Variants in MTAP observed in about 807,000 individuals in gnomAD.
MTAP encodes S-methyl-5'-thioadenosine phosphorylase.
A neutral mutation model predicts 33.6 loss-of-function variants in MTAP; 33 were observed. That is an observed-to-expected ratio of 0.98 (90% CI 0.74 to 1.31). MTAP has a LOEUF of 1.31. Among genes scored for constraint, MTAP ranks in the 40% most tolerant of loss-of-function variants. The pLI is 0.00. For synonymous variants in MTAP, 148 were observed against 125.7 expected (o/e 1.18, Z -1.19); for missense variants, 367 against 360.0 (o/e 1.02, Z -0.16).
rs762098975 is a variant in MTAP at position 21,854,716 on chromosome 9, C to A, written c.536C>A (p.Ser179Tyr). 5.0e-6 allele frequency: 8 copies of A among 1,614,098 alleles called. No homozygotes were observed. Among genetic ancestry groups the A allele is most frequent in the Non-Finnish European group, 6.8e-6 (8 of 1,179,962 alleles). Residue 179 changes from serine (S) to tyrosine (Y), a missense_variant, in exon 6 of 8, where the codon TCC becomes TAC. Ser to Tyr is a moderately radical substitution (Grantham distance 144). Coordinates refer to ENST00000644715, the MANE Select transcript of MTAP (RefSeq NM_002451.4). ...ACAATCGAGGGACCTCGTTTTAGCT[C>A]CCGGGCAGAAAGCTTCATGTTCCGC... is the stretch of plus-strand genomic sequence containing the variant. ...MVTIEGPRFSSRAESFMFRTW... is the reference protein window; with the variant it reads ...MVTIEGPRFSYRAESFMFRTW...
chr9:21,818,289 T>G, intron 4 of MTAP, 87 bp downstream of exon 4: 1 of 781,154 alleles, frequency 1.3e-6, no homozygotes, highest in South Asian at 1.5e-5. Flanking sequence ...GCAGGGCAAC[T>G]GGGAGGGCAG....
intron 5 of MTAP, among the ~76,000 whole-genome samples, chr9:21,851,200 C>A (rs565222002): frequency 1.3e-5 from 2 of 152,136 alleles, no homozygotes; most frequent in South Asian, 4.1e-4. Flanking sequence ...AAGGAAAAAA[C>A]CACAACCTAC....
rs1825858819 is a variant in MTAP, at chr9:21,866,705, G to A, written c.*4691G>A. The A allele has an allele frequency of 6.6e-6, 1 of 151,984 alleles. No individual in the cohort carries two copies. Among genetic ancestry groups the A allele is most frequent in the Non-Finnish European group, 1.5e-5 (1 of 67,998 alleles). 9.4% of individuals were successfully genotyped at this position (151,984 alleles called of 1,614,324 possible). A position where few individuals can be genotyped will look rare whatever the true frequency, so the allele number is the denominator to read the frequency against. Reference sequence around the variant, plus strand: ...TGCAATCTTTTCCAAGATTGTTTTGGCTATAGGTCCTTTCTTTATAAAGTT... The same window carrying A: ...TGCAATCTTTTCCAAGATTGTTTTGACTATAGGTCCTTTCTTTATAAAGTT... On this transcript the variant is annotated 3_prime_UTR_variant, in exon 8 of 8. Coordinates refer to ENST00000644715, the MANE Select transcript of MTAP (RefSeq NM_002451.4).
chr9:21,899,220 C>T (rs1818347107), intron 1 of MTAP, among the ~76,000 whole-genome samples: 1 of 119,984 alleles, frequency 8.3e-6, no homozygotes, highest in Non-Finnish European at 1.6e-5. Flanking sequence ...ACATCACACA[C>T]CGGGGCCTGT....
intron 5 of MTAP, among the ~76,000 whole-genome samples, chr9:21,849,925 A>G (rs1004781916): frequency 2.6e-5 from 4 of 152,216 alleles, no homozygotes; most frequent in Admixed American, 6.5e-5. Flanking sequence ...CTTTTTCTCT[A>G]TATCTGTCCA....
chr9:21,935,583 T>G (rs1819029557), downstream of MTAP: 1 of 152,164 alleles, frequency 6.6e-6, no homozygotes, highest in African/African-American at 2.4e-5. Context: ...AATCTCATAC[T>G]CATGTCTCTC....
At chr9:21,851,724 A>G (rs1825516110) in intron 5 of MTAP, among the ~76,000 whole-genome samples, 1 of 152,186 alleles carries the variant, frequency 6.6e-6, no homozygotes, top group African/African-American at 2.4e-5. Flanking sequence ...CATTTGAGTC[A>G]GTGGGCTGGG....
chr9:21,856,074 CCT>C (rs777179500), intron 6 of MTAP: 3 of 755,740 alleles, frequency 4.0e-6, no homozygotes, highest in Non-Finnish European at 4.8e-6. Flanking sequence ...CTAATTTTCA[CCT>C]CTTTCTCTTT....
chr9:21,857,303 G>A lies in MTAP; in HGVS notation c.691-2000G>A, dbSNP rs73649994. ...CTTCATGTCTGCATTCAAAGACTCA[G>A]CTTAAAACATATCATTTACATGTGC... On this transcript the variant is annotated intron_variant, in intron 6 of 7. Coordinates refer to ENST00000644715, the MANE Select transcript of MTAP (RefSeq NM_002451.4). Among the ~76,000 whole-genome samples, 925 of 152,290 alleles carry A rather than the reference G, an allele frequency of 6.1e-3. 9 individuals carry two copies. The highest frequency in any genetic ancestry group is 0.021 in the African/African-American group (872 of 41,548).
At chr9:21,903,334 T>A (rs189415512) in intron 1 of MTAP, among the ~76,000 whole-genome samples, 1 of 152,298 alleles carries the variant, frequency 6.6e-6, no homozygotes, top group African/African-American at 2.4e-5. Flanking sequence ...TTAAAAATCT[T>A]CAGGCCCAAC....
intron 4 of MTAP, among the ~76,000 whole-genome samples, chr9:21,819,608 C>T (rs1202209142): frequency 2.0e-5 from 3 of 152,192 alleles, no homozygotes; most frequent in Non-Finnish European, 4.4e-5. Context: ...CATACGTGTG[C>T]ATGTGCCTTT....
At chr9:21,931,028 C>A in exon 2 of MTAP, 1 of 763,906 alleles carries the variant, frequency 1.3e-6, no homozygotes, top group Non-Finnish European at 2.4e-6. Context: ...TCCAGATGAT[C>A]CTCAGTGAGG....
At chr9:21,833,502 G>T (rs545986188) in intron 4 of MTAP, among the ~76,000 whole-genome samples, 1 of 152,240 alleles carries the variant, frequency 6.6e-6, no homozygotes, top group African/African-American at 2.4e-5. Flanking sequence ...AGACAGAATT[G>T]TTCCACTTCT....
In MTAP at chr9:21,915,899, A is replaced by G. The variant is rs533122740; in HGVS notation, c.148-15109A>G. On this transcript the variant is annotated intron_variant, in intron 1 of 1. Transcript: ENST00000577563. ...AAAATACAAAAATTAGCCAAGTATG[A>G]TGATATGTGCCTGTAGTCCCAGCTA... 8.5e-4 allele frequency among the ~76,000 whole-genome samples: 129 copies of G among 152,082 alleles called. 1 individual carries two copies. The highest frequency in any genetic ancestry group is 3.4e-3 in the Middle Eastern group (1 of 292).
rs1304642863 is a variant in MTAP, at chr9:21,936,826, A to G, written c.*5627A>G. On this transcript the variant is annotated 3_prime_UTR_variant, in exon 8 of 8. Coordinates refer to the MTAP transcript ENST00000580900. ...TAATAAGGGAGATAACTATATGCAA[A>G]GAAAGTAAGACATGTTTTTGGTAAG... is the stretch of plus-strand genomic sequence containing the variant. 4 of 152,356 alleles carry G rather than the reference A, an allele frequency of 2.6e-5. No homozygotes were observed. The East Asian group carries it at 7.7e-4, about 29-fold the overall frequency. The allele number at this position is 152,356 out of a possible 1,614,324, so 9.4% of individuals were successfully genotyped here.
chr9:21,918,860 T>TA (rs201384182), intron 1 of MTAP, among the ~76,000 whole-genome samples: 1 of 138,592 alleles, frequency 7.2e-6, no homozygotes, highest in African/African-American at 3.5e-5. Context: ...GTGAGTCAAT[T>TA]AACTCTTCCC....
intron 1 of MTAP, among the ~76,000 whole-genome samples, chr9:21,809,704 A>T (rs1294265405): frequency 1.3e-5 from 2 of 152,002 alleles, no homozygotes; most frequent in Non-Finnish European, 2.9e-5. Flanking sequence ...TTCTGAGGGC[A>T]CTTTAGAACC....
intron 1 of MTAP, among the ~76,000 whole-genome samples, chr9:21,884,176 C>T (rs757642824): frequency 1.3e-5 from 2 of 152,082 alleles, no homozygotes; most frequent in Non-Finnish European, 2.9e-5. Flanking sequence ...TTGCAGGGTA[C>T]ATTTAGAGCT....
chr9:21,807,438 C>A (rs1824236130), intron 1 of MTAP, among the ~76,000 whole-genome samples: 2 of 152,186 alleles, frequency 1.3e-5, no homozygotes, highest in South Asian at 2.1e-4. Flanking sequence ...ACATGACCAA[C>A]AAGCCTTCAT....
Sources: allele counts gnomAD v4.1 joint callset (sites outside exome capture counted in the v4.1 genomes callset), GRCh38; gene constraint gnomAD v4.1.1; transcripts MANE v1.5; gene names NCBI Gene and HGNC (gene_info 2026-07-23, HGNC 2026-07-21).